Variants in KCP observed in about 807,000 individuals in gnomAD.
KCP encodes the protein kielin/chordin-like protein.
Under a neutral mutation model 212.7 loss-of-function variants are expected in KCP, and 194 were observed. The ratio of observed to expected loss-of-function variants is 0.91; its 90% CI spans 0.81 to 1.03. The LOEUF (loss-of-function observed/expected upper bound fraction) is 1.03. Among genes scored for constraint, KCP ranks in the 50% least tolerant of loss-of-function variants. The probability of loss-of-function intolerance (pLI) is 0.00; values close to 1 mark genes in which losing one functional copy is unlikely to be tolerated. For synonymous variants in KCP, 833 were observed against 865.3 expected, an observed-to-expected ratio of 0.96 and a Z score of 0.65; for missense variants, 2,080 against 2,162.5, an observed-to-expected ratio of 0.96 and a Z score of 0.76.
Position 128,891,869 on chromosome 7 carries a change from C to T in KCP, c.1622-50G>A, listed in dbSNP as rs919698200. 5 of 1,356,826 alleles carry T rather than the reference C, an allele frequency of 3.7e-6. No individual in the cohort carries two copies. In the Admixed American group the frequency reaches 1.6e-4, roughly 44 times the overall value. 84.0% of individuals were successfully genotyped at this position (1,356,826 alleles called of 1,614,324 possible). ...GTATGAGGGCAAAGCCTGACAGTCC[C>T]TCCAGCCCTGGAGTCCAGAGCCGCC... On this transcript the variant is annotated intron_variant, in intron 16 of 39. Coordinates refer to ENST00000610776, the MANE Select transcript of KCP (RefSeq NM_001366122.1).
chr7:128,884,145 G>A (rs1793502025), intron 28 of KCP, 23 bp from the exon 29 acceptor site: 1 of 1,536,938 alleles, frequency 6.5e-7, no homozygotes, highest in East Asian at 2.5e-5. Context: ...GTGAGCAGCG[G>A]TGGGTCCTGG....
intron 37 of KCP, 174 bp downstream of exon 37, chr7:128,879,348 T>A (rs1049493899): frequency 1.7e-6 from 1 of 600,334 alleles, no homozygotes; most frequent in African/African-American, 1.9e-5. Context: ...CTCCTCTGAC[T>A]GCCTGGGGAG....
In KCP at chr7:128,895,202, T is replaced by A. The variant is rs555954430; in HGVS notation, c.832-909A>T. ...TTGTTACAGCAGCCCAGGAAACTCA[T>A]ACAGATACATAAACTAGCATGTCAC... is the stretch of plus-strand genomic sequence containing the variant. On this transcript the variant is annotated intron_variant, in intron 8 of 39. Coordinates refer to ENST00000610776, the MANE Select transcript of KCP (RefSeq NM_001366122.1). Among the ~76,000 whole-genome samples, 114 of 152,286 alleles carry A rather than the reference T, an allele frequency of 7.5e-4. 1 individual carries two copies. The highest frequency in any genetic ancestry group is 2.5e-3 in the African/African-American group (105 of 41,552).
chr7:128,902,243 A>C (rs1313968444), intron 8 of KCP, among the ~76,000 whole-genome samples: 2 of 152,248 alleles, frequency 1.3e-5, no homozygotes, highest in Non-Finnish European at 2.9e-5. Context: ...AATTTTAACA[A>C]CATATTTCAT....
intron 29 of KCP, among the ~76,000 whole-genome samples, chr7:128,883,591 A>T (rs1793460405): frequency 6.6e-6 from 1 of 152,230 alleles, no homozygotes; most frequent in Non-Finnish European, 1.5e-5. Flanking sequence ...AGGAGACAGA[A>T]ATTGGCCATC....
chr7:128,891,681 G>C lies in KCP; in HGVS notation c.1760C>G (p.Pro587Arg). The change falls in exon 17 of 40, where the codon CCG (proline) becomes CGG (arginine). Residue 587 changes from proline to arginine, a missense_variant. Transcript: ENST00000610776. Reference protein sequence around the residue: ...RPCPRAPCAHPLPGTCCPNDC... With the variant: ...RPCPRAPCAHRLPGTCCPNDC... ...GTTCGGGCAGCAGGTCCCAGGCAGC[G>C]GGTGGGCACAGGGGGCCCTGGGGCA... The C allele has an allele frequency of 6.9e-7, 1 of 1,455,650 alleles. No homozygotes were observed. The highest frequency in any genetic ancestry group is 9.1e-7 in the Non-Finnish European group (1 of 1,102,682). 90.2% of individuals were successfully genotyped at this position (1,455,650 alleles called of 1,614,324 possible).
chr7:128,892,660 C>A, intron 15 of KCP, 28 bp downstream of exon 15: 1 of 1,551,266 alleles, frequency 6.4e-7, no homozygotes, highest in Non-Finnish European at 8.7e-7. Context: ...AGGGGCTCAG[C>A]AGGGCAGCAG....
intron 5 of KCP, among the ~76,000 whole-genome samples, chr7:128,905,080 T>A (rs1795058466): frequency 6.6e-6 from 1 of 151,928 alleles, no homozygotes; most frequent in Non-Finnish European, 1.5e-5. Flanking sequence ...TTAGTCCTCA[T>A]CTCCAGCCAG....
At chr7:128,884,432 T>C (rs2128945240) in intron 28 of KCP, among the ~76,000 whole-genome samples, 1 of 152,294 alleles carries the variant, frequency 6.6e-6, no homozygotes, top group African/African-American at 2.4e-5. Context: ...TGACCTGTGA[T>C]GTCATTTGCC....
chr7:128,883,137 TTTTC>T (rs1201288196), intron 29 of KCP, among the ~76,000 whole-genome samples: 8 of 151,248 alleles, frequency 5.3e-5, no homozygotes, highest in Admixed American at 2.6e-4. Flanking sequence ...AAAGTATGTT[TTTTC>T]TTTCTTTTTT....
rs1419043929 is a variant in KCP, at chr7:128,908,543, A to AG, written c.101dup (p.Gly35TrpfsTer41). 1 of 1,551,384 alleles carries AG rather than the reference A, an allele frequency of 6.4e-7. No individual in the cohort carries two copies. The highest frequency in any genetic ancestry group is 8.7e-7 in the Non-Finnish European group (1 of 1,146,816). On this transcript the variant is annotated frameshift_variant, in exon 2 of 40. Transcript: ENST00000610776. LOFTEE classifies it high-confidence loss of function. Reference sequence around the variant, plus strand: ...AGGAATGGGCAGTTGTCTGCTGCCCAGGGGGCTCCCTGGGGACAGCCCCAC... The same window carrying AG: ...AGGAATGGGCAGTTGTCTGCTGCCCAGGGGGGCTCCCTGGGGACAGCCCCAC...
intron 8 of KCP, among the ~76,000 whole-genome samples, chr7:128,899,011 G>C (rs1319405738): frequency 6.6e-6 from 1 of 152,136 alleles, no homozygotes; most frequent in Non-Finnish European, 1.5e-5. Context: ...GTTTTATTAA[G>C]AATTGGGTTT....
intron 7 of KCP, 25 bp downstream of exon 7, chr7:128,903,702 C>G: frequency 6.6e-7 from 1 of 1,520,026 alleles, no homozygotes; most frequent in Non-Finnish European, 8.9e-7. Flanking sequence ...TGTGGCTCTA[C>G]CAGGGAGGGG....
intron 22 of KCP, among the ~76,000 whole-genome samples, chr7:128,887,824 TACACACAC>T (rs149751415): frequency 5.4e-5 from 7 of 128,722 alleles, no homozygotes; most frequent in Non-Finnish European, 8.6e-5. Context: ...CACAGCCACA[TACACACAC>T]ACACACACAC....
At chr7:128,888,761 TG>T in intron 22 of KCP, 101 bp downstream of exon 22, 1 of 1,128,446 alleles carries the variant, frequency 8.9e-7, no homozygotes, top group Non-Finnish European at 1.2e-6. Flanking sequence ...AAAAGTATGG[TG>T]GAGCGGCAGG....
chr7:128,880,407 G>A lies in KCP; in HGVS notation c.3738C>T (p.Cys1246=). 6.5e-7 allele frequency: 1 copy of A among 1,541,706 alleles called. No individual in the cohort carries two copies. Among genetic ancestry groups the A allele is most frequent in the Non-Finnish European group, 8.8e-7 (1 of 1,141,166 alleles). ...AGTVRCQSQR[C]SPLSCGPDKA... ...TCACGGGGCCACACGAGAGCGGTGA[G>A]CAGCGCTGGCTCTGGCAACGCACGG... Residue 1246 remains cysteine (C), a synonymous_variant, in exon 34 of 40, where the codon TGC becomes TGT. Coordinates refer to ENST00000610776, the MANE Select transcript of KCP (RefSeq NM_001366122.1).
In KCP at chr7:128,901,308, T is replaced by A. The variant is rs573417096; in HGVS notation, c.831+1469A>T. On this transcript the variant is annotated intron_variant, in intron 8 of 39. Coordinates refer to ENST00000610776, the MANE Select transcript of KCP (RefSeq NM_001366122.1). ...GGCTGCTCTGTCTATGGAGTAGCCA[T>A]TCTTTTATTCCTCTACTTTCTTAAT... Among the ~76,000 whole-genome samples, 10 of 152,312 alleles carry A rather than the reference T, an allele frequency of 6.6e-5. No homozygotes were observed. In the East Asian group the frequency reaches 1.9e-3, roughly 29 times the overall value.
intron 38 of KCP, among the ~76,000 whole-genome samples, 179 bp downstream of exon 38, chr7:128,878,379 C>A (rs1032121302): frequency 1.3e-5 from 2 of 152,104 alleles, no homozygotes; most frequent in Non-Finnish European, 2.9e-5. Context: ...TTTTGACAAG[C>A]CACCCTACCT....
In KCP at chr7:128,904,073, G is replaced by A; in HGVS notation, c.637C>T (p.Leu213=). 1.9e-6 allele frequency: 3 copies of A among 1,551,684 alleles called. No individual in the cohort carries two copies. Among genetic ancestry groups the A allele is most frequent in the Non-Finnish European group, 2.6e-6 (3 of 1,146,946 alleles). The part of the protein sequence containing the change: ...VTFLSSSNPC[L]QCTCLRSRVR... ...GGACTCACCAGGCAGGTGCACTGTA[G>A]ACAAGGGTTGGAGCTGGACAGGAAG... The change falls in exon 6 of 40, where the codon CTA becomes TTA. Residue 213 remains leucine (L), a synonymous_variant. Coordinates refer to ENST00000610776, the MANE Select transcript of KCP (RefSeq NM_001366122.1).
Sources: gnomAD v4.1 joint callset for allele counts (sites outside exome capture counted in the v4.1 genomes callset) on GRCh38, gnomAD v4.1.1 for gene constraint, MANE v1.5 for transcripts, NCBI Gene and HGNC (gene_info 2026-07-23, HGNC 2026-07-21) for gene names.